Variants in TCF4 observed in about 807,000 individuals in gnomAD.
The protein encoded by TCF4 is transcription factor 4.
A neutral mutation model predicts 82.1 loss-of-function variants in TCF4; 3 were observed. The ratio of observed to expected loss-of-function variants is 0.04; its 90% confidence interval spans 0.02 to 0.09. TCF4 has a LOEUF of 0.09. Among genes scored for constraint, TCF4 ranks in the 10% least tolerant of loss-of-function variants. The pLI is 1.00. For synonymous variants in TCF4, 276 were observed against 309.6 expected (o/e 0.89, Z 1.14); for missense variants, 518 against 852.7 (o/e 0.61, Z 4.89).
At chr18:55,586,079 A>T in intron 2 of TCF4, 1 of 1,429,168 alleles carries the variant, frequency 7.0e-7, no homozygotes, top group South Asian at 1.2e-5. Flanking sequence ...TTCCTGGCAA[A>T]ACTTCCGAAA....
At chr18:55,590,561 T>G (rs771180436), upstream of TCF4, among the ~76,000 whole-genome samples, 2 of 152,216 alleles carry the variant, frequency 1.3e-5, no homozygotes, top group Non-Finnish European at 2.9e-5. Flanking sequence ...CTTTACGAAT[T>G]TTATAGTGGA....
intron 6 of TCF4, among the ~76,000 whole-genome samples, chr18:55,353,336 C>T (rs531825585): frequency 1.3e-5 from 2 of 152,274 alleles, no homozygotes; most frequent in African/African-American, 4.8e-5. Context: ...AATCACGCAT[C>T]CAACTCTTAC....
intron 3 of TCF4, among the ~76,000 whole-genome samples, chr18:55,563,708 A>T (rs2097374835): frequency 6.6e-6 from 1 of 152,258 alleles, no homozygotes; most frequent in African/African-American, 2.4e-5. Flanking sequence ...TTCAGGGCCT[A>T]ACATACGATA....
intron 6 of TCF4, among the ~76,000 whole-genome samples, chr18:55,391,467 C>A (rs1181875257): frequency 6.6e-6 from 1 of 151,652 alleles, no homozygotes; most frequent in Non-Finnish European, 1.5e-5. Flanking sequence ...AAGTGATGAC[C>A]CTCTCTAGGA....
intron 10 of TCF4, among the ~76,000 whole-genome samples, chr18:55,271,241 C>T (rs2060297901): frequency 6.6e-6 from 1 of 152,062 alleles, no homozygotes; most frequent in Admixed American, 6.6e-5. Flanking sequence ...GCACTATTGT[C>T]TTTAACACTT....
chr18:55,474,081 C>A (rs535919980), intron 3 of TCF4, among the ~76,000 whole-genome samples: 5 of 152,140 alleles, frequency 3.3e-5, no homozygotes, highest in African/African-American at 9.7e-5. Flanking sequence ...TAATGAAAAT[C>A]TGTAAAAATG....
intron 6 of TCF4, among the ~76,000 whole-genome samples, chr18:55,380,630 C>A (rs182960295): frequency 3.3e-5 from 5 of 152,276 alleles, no homozygotes; most frequent in African/African-American, 1.2e-4. Context: ...AAAAGAGTAA[C>A]GGAAATGTCA....
intron 5 of TCF4, among the ~76,000 whole-genome samples, chr18:55,419,879 G>A (rs903858750): frequency 6.6e-5 from 10 of 152,160 alleles, no homozygotes; most frequent in African/African-American, 2.4e-4. Flanking sequence ...AACAAATGTT[G>A]ATTTTGTTGC....
rs1246385599 is a variant in TCF4, at chr18:55,463,648, T to C, written c.207+428A>G. On this transcript the variant is annotated intron_variant, in intron 4 of 19. Transcript: ENST00000354452. ...AGGATAGAACTTCATAGTGTATCTT[T>C]GGGATTATTCAGTAGTCTATTCACA... 2.0e-5 allele frequency among the ~76,000 whole-genome samples: 3 copies of C among 152,192 alleles called. No homozygotes were observed. The East Asian group carries it at 5.8e-4, about 29-fold the overall frequency.
At chr18:55,357,252 G>A (rs540854427) in intron 6 of TCF4, among the ~76,000 whole-genome samples, 4 of 152,190 alleles carry the variant, frequency 2.6e-5, no homozygotes, top group Middle Eastern at 3.4e-3. Context: ...ATTTGTTGGC[G>A]GGAAGGTAGA....
chr18:55,460,846 C>T (rs937327280), intron 5 of TCF4, among the ~76,000 whole-genome samples, 173 bp downstream of exon 5: 7 of 152,276 alleles, frequency 4.6e-5, no homozygotes, highest in Admixed American at 3.3e-4. Context: ...ATCCTTAATG[C>T]ACTATTACCA....
At chr18:55,608,815 G>T (rs1277613107) in intron 2 of TCF4, among the ~76,000 whole-genome samples, 1 of 152,094 alleles carries the variant, frequency 6.6e-6, no homozygotes, top group African/African-American at 2.4e-5. Flanking sequence ...GCGGTAGGAG[G>T]TATGGACATT....
At chr18:55,335,786 TAAAC>T (rs2078502111) in intron 8 of TCF4, among the ~76,000 whole-genome samples, 1 of 152,098 alleles carries the variant, frequency 6.6e-6, no homozygotes, top group African/African-American at 2.4e-5. Flanking sequence ...AATGTATACT[TAAAC>T]TAAAAAGATC....
chr18:55,244,529 C>T (rs531415196), intron 15 of TCF4, among the ~76,000 whole-genome samples: 3 of 152,274 alleles, frequency 2.0e-5, no homozygotes, highest in African/African-American at 7.2e-5. Context: ...AGTGCACTTA[C>T]TTATTAATAC....
chr18:55,459,906 T>C (rs2095841355), intron 5 of TCF4, among the ~76,000 whole-genome samples: 1 of 152,200 alleles, frequency 6.6e-6, no homozygotes, highest in African/African-American at 2.4e-5. Context: ...CATATGATGT[T>C]ACCCATTAAA....
chr18:55,558,144 C>T (rs1321294492), intron 3 of TCF4, among the ~76,000 whole-genome samples: 1 of 151,974 alleles, frequency 6.6e-6, no homozygotes, highest in Non-Finnish European at 1.5e-5. Flanking sequence ...CCCAGGAGTT[C>T]GAGGCTGCAG....
rs529094408 is a variant in TCF4, at chr18:55,631,100, A to G, written c.286+198T>C. On this transcript the variant is annotated intron_variant, in intron 2 of 20. Transcript: ENST00000398339. The stretch of plus-strand genomic sequence containing the variant: ...AATCTCACTCTGTCACCCAGGTTGC[A>G]GTGCAGTGGCATGATCTCGACTCAC... Among the ~76,000 whole-genome samples the G allele has an allele frequency of 3.4e-5, 5 of 149,108 alleles. No individual in the cohort carries two copies. In the East Asian group the frequency reaches 9.8e-4, roughly 29 times the overall value.
intron 6 of TCF4, among the ~76,000 whole-genome samples, chr18:55,399,880 T>TCTCTCTCTCTCTCTCA (rs1283846701): frequency 3.9e-4 from 25 of 63,462 alleles, no homozygotes; most frequent in Non-Finnish European, 5.9e-4. Context: ...TCTCTCTCTC[T>TCTCTCTCTCTCTCTCA]CACACACACA....
chr18:55,530,255 ACTATG>A (rs2097044758), intron 3 of TCF4, among the ~76,000 whole-genome samples: 1 of 152,184 alleles, frequency 6.6e-6, no homozygotes, highest in African/African-American at 2.4e-5. Context: ...CTGAATCAAA[ACTATG>A]CTATGCATCT....
Sources: allele counts gnomAD v4.1 joint callset (sites outside exome capture counted in the v4.1 genomes callset), GRCh38; gene constraint gnomAD v4.1.1; transcripts MANE v1.5; gene names NCBI Gene and HGNC (gene_info 2026-07-23, HGNC 2026-07-21).